The following ACOT13 variants were observed in gnomAD, a reference collection of about 807,000 sequenced individuals.
ACOT13 encodes the protein acyl-CoA thioesterase 13.
Under a neutral mutation model 11.8 loss-of-function variants are expected in ACOT13, and 10 were observed. The observed-to-expected ratio is 0.85, with a 90% CI of 0.53 to 1.44. The LOEUF is 1.44. ACOT13 is among the 40% of genes most tolerant of loss of function. The pLI, the probability that ACOT13 is intolerant of heterozygous loss-of-function variation, is 0.00. For missense variants in ACOT13, 172 were observed against 174.1 expected, an observed-to-expected ratio of 0.99 and a Z score of 0.07; for synonymous variants, 53 against 61.0, an observed-to-expected ratio of 0.87 and a Z score of 0.61.
At chr6:24,675,528 A>C (rs921333992) in intron 1 of ACOT13, among the ~76,000 whole-genome samples, 6 of 152,244 alleles carry the variant, frequency 3.9e-5, no homozygotes, top group East Asian at 1.9e-4. Flanking sequence ...TAAATGTCTT[A>C]TTTTGAGAAG....
chr6:24,691,438 G>A (rs959802863), intron 1 of ACOT13, among the ~76,000 whole-genome samples: 1 of 152,136 alleles, frequency 6.6e-6, no homozygotes, highest in African/African-American at 2.4e-5. Flanking sequence ...AACAAAATAG[G>A]TAAAGAGAAT....
chr6:24,678,859 T>C (rs1304562963), intron 1 of ACOT13, among the ~76,000 whole-genome samples: 2 of 152,028 alleles, frequency 1.3e-5, no homozygotes, highest in Non-Finnish European at 2.9e-5. Context: ...GAGAAGGCCA[T>C]GCCAGTGTCC....
chr6:24,691,275 C>G, intron 1 of ACOT13, among the ~76,000 whole-genome samples: 1 of 152,108 alleles, frequency 6.6e-6, no homozygotes, highest in East Asian at 1.9e-4. Context: ...GTGCCTACAC[C>G]CTTACTGAGC....
intron 1 of ACOT13, among the ~76,000 whole-genome samples, chr6:24,690,996 G>GA (rs1778711361): frequency 1.3e-5 from 2 of 152,090 alleles, no homozygotes; most frequent in African/African-American, 4.8e-5. Context: ...GTATATTATT[G>GA]AAAATATCTG....
intron 1 of ACOT13, among the ~76,000 whole-genome samples, chr6:24,694,685 C>T (rs1466353936): frequency 6.6e-6 from 1 of 152,118 alleles, no homozygotes; most frequent in Admixed American, 6.5e-5. Context: ...CTTATTAGCT[C>T]TGGGAGGGTG....
At chr6:24,693,141 A>G (rs963413895) in intron 1 of ACOT13, among the ~76,000 whole-genome samples, 1 of 152,238 alleles carries the variant, frequency 6.6e-6, no homozygotes, top group Non-Finnish European at 1.5e-5. Context: ...AGCAACATCC[A>G]TGGTCAGGGA....
At chr6:24,687,915 A>G (rs959045407) in intron 1 of ACOT13, among the ~76,000 whole-genome samples, 1 of 151,626 alleles carries the variant, frequency 6.6e-6, no homozygotes, top group Non-Finnish European at 1.5e-5. Flanking sequence ...GTTTCACCGT[A>G]TTGGCGAGGC....
chr6:24,703,566 T>C lies in ACOT13; in HGVS notation c.*1951T>C, dbSNP rs1418831708. 1 of 152,132 alleles carries C rather than the reference T, an allele frequency of 6.6e-6. No individual in the cohort carries two copies. 9.4% of individuals were successfully genotyped at this position (152,132 alleles called of 1,614,324 possible). A position where few individuals can be genotyped will look rare whatever the true frequency, so the allele number is the denominator to read the frequency against. ...AAAATATGAGGCCATAGTGTTTAGG[T>C]AGATAATAAATGGCAGAGATAGAAC... On this transcript the variant is annotated 3_prime_UTR_variant, in exon 3 of 3. Transcript: ENST00000230048.
At chr6:24,680,113 T>G (rs781114224) in intron 1 of ACOT13, among the ~76,000 whole-genome samples, 15 of 152,186 alleles carry the variant, frequency 9.9e-5, no homozygotes, top group Admixed American at 2.6e-4. Flanking sequence ...GAGGGCTTCC[T>G]GTAGGGCATA....
At chr6:24,698,091 A>C (rs761698522) in intron 2 of ACOT13, 24 bp downstream of exon 2, 2 of 1,546,796 alleles carry the variant, frequency 1.3e-6, no homozygotes, top group South Asian at 2.5e-5. Flanking sequence ...CTGTATTCCA[A>C]ATCCCTTCTG....
intron 1 of ACOT13, among the ~76,000 whole-genome samples, chr6:24,674,935 A>G (rs1014839877): frequency 7.6e-6 from 1 of 131,700 alleles, no homozygotes; most frequent in Non-Finnish European, 1.5e-5. Flanking sequence ...CCTGTGTCCA[A>G]GTGTTCTCAT....
At chr6:24,673,368 ATTTT>A (rs201726301) in intron 1 of ACOT13, among the ~76,000 whole-genome samples, 3 of 150,558 alleles carry the variant, frequency 2.0e-5, no homozygotes, top group Non-Finnish European at 4.4e-5. Context: ...TTCTCTTATA[ATTTT>A]TTTTTTGAAA....
In ACOT13 at chr6:24,701,454, T is replaced by C. The variant is rs968105263; in HGVS notation, c.267-5T>C. 1 of 1,599,140 alleles carries C rather than the reference T, an allele frequency of 6.3e-7. No individual in the cohort carries two copies. The highest frequency in any genetic ancestry group is 8.5e-7 in the Non-Finnish European group (1 of 1,172,390). ...TGCTGTTAACTATATTCATTTTCTT[T>C]CAAGGTACATGTCACCTGCAAAATT... is the stretch of plus-strand genomic sequence containing the variant. On this transcript the variant is annotated splice_polypyrimidine_tract_variant and splice_region_variant and intron_variant, in intron 2 of 2. Transcript: ENST00000230048.
intron 1 of ACOT13, among the ~76,000 whole-genome samples, chr6:24,684,976 C>T (rs879865714): frequency 6.6e-6 from 1 of 152,204 alleles, no homozygotes; most frequent in South Asian, 2.1e-4. Flanking sequence ...TGTACCACTG[C>T]ACTCCAGCCT....
chr6:24,697,122 G>A (rs537630243), intron 1 of ACOT13, among the ~76,000 whole-genome samples: 10 of 152,168 alleles, frequency 6.6e-5, no homozygotes, highest in Non-Finnish European at 1.5e-4. Context: ...TATCTTTCAT[G>A]TAATACTTTT....
At chr6:24,696,951 T>G (rs2127628446) in intron 1 of ACOT13, among the ~76,000 whole-genome samples, 1 of 152,238 alleles carries the variant, frequency 6.6e-6, no homozygotes, top group Non-Finnish European at 1.5e-5. Context: ...AATTTTTGTA[T>G]TTTTAGTAGA....
At chr6:24,674,261 G>A (rs991845712) in intron 1 of ACOT13, among the ~76,000 whole-genome samples, 4 of 152,164 alleles carry the variant, frequency 2.6e-5, no homozygotes, top group Non-Finnish European at 5.9e-5. Flanking sequence ...GTTTCACCAT[G>A]TTGATCAAGC....
Position 24,703,620 on chromosome 6 carries a change from A to G in ACOT13, c.*2005A>G, listed in dbSNP as rs1372220298. On this transcript the variant is annotated 3_prime_UTR_variant, in exon 3 of 3. Coordinates refer to ENST00000230048, the MANE Select transcript of ACOT13 (RefSeq NM_018473.4). ...CTCTTACAACAAATGCTGTAAATGGACAAAGCATTAGATTTGGAAAATCAC... is the reference window on the plus strand; with the variant it reads ...CTCTTACAACAAATGCTGTAAATGGGCAAAGCATTAGATTTGGAAAATCAC... 1.3e-5 allele frequency: 2 copies of G among 152,254 alleles called. No homozygotes were observed. Among genetic ancestry groups the G allele is most frequent in the African/African-American group, 2.4e-5 (1 of 41,468 alleles). 9.4% of individuals were successfully genotyped at this position (152,254 alleles called of 1,614,324 possible).
intron 1 of ACOT13, among the ~76,000 whole-genome samples, chr6:24,686,533 CTT>C (rs141184686): frequency 1.3e-5 from 2 of 151,700 alleles, no homozygotes; most frequent in Non-Finnish European, 2.9e-5. Flanking sequence ...GTGCCACACT[CTT>C]TTTTTTCTTT....
Sources: gnomAD v4.1 joint callset for allele counts (sites outside exome capture counted in the v4.1 genomes callset) on GRCh38, gnomAD v4.1.1 for gene constraint, MANE v1.5 for transcripts, NCBI Gene and HGNC (gene_info 2026-07-23, HGNC 2026-07-21) for gene names.